The following SGCZ variants were observed in gnomAD, a reference collection of about 807,000 sequenced individuals.
SGCZ encodes zeta-sarcoglycan.
A neutral mutation model predicts 41.3 loss-of-function variants in SGCZ; 40 were observed. The ratio of observed to expected loss-of-function variants is 0.97; its 90% CI spans 0.75 to 1.26. The LOEUF is 1.26. Ranked by LOEUF, SGCZ falls within the 50% of genes most tolerant of loss-of-function variation. The probability of loss-of-function intolerance (pLI) is 0.00; values close to 1 mark genes in which losing one functional copy is unlikely to be tolerated. For missense variants in SGCZ, 552 were observed against 369.8 expected (o/e 1.49, Z -4.04); for synonymous variants, 206 against 137.5 (o/e 1.50, Z -3.49).
At chr8:14,440,351 T>A (rs74635648) in intron 2 of SGCZ, among the ~76,000 whole-genome samples, 5,433 of 152,214 alleles carry the variant, frequency 0.036, 305 homozygotes, top group African/African-American at 0.12. Context: ...AAATCTTAGA[T>A]AAATAAGTTA....
intron 1 of SGCZ, among the ~76,000 whole-genome samples, chr8:14,622,949 A>G (rs996842492): frequency 1.3e-5 from 2 of 152,198 alleles, no homozygotes; most frequent in Non-Finnish European, 2.9e-5. Flanking sequence ...GCAAAACTCC[A>G]TGTATCTATT....
At chr8:14,241,909 A>C (rs1001382409) in intron 3 of SGCZ, among the ~76,000 whole-genome samples, 12 of 152,208 alleles carry the variant, frequency 7.9e-5, no homozygotes, top group Non-Finnish European at 1.2e-4. Context: ...TGACCAATGG[A>C]AAAATGATTT....
intron 1 of SGCZ, among the ~76,000 whole-genome samples, chr8:14,756,559 T>C (rs994187158): frequency 2.0e-5 from 3 of 152,168 alleles, no homozygotes; most frequent in Non-Finnish European, 4.4e-5. Context: ...TTTCAAACTC[T>C]AACATCATTA....
chr8:14,969,935 A>G (rs935432283), intron 1 of SGCZ, among the ~76,000 whole-genome samples: 1 of 152,098 alleles, frequency 6.6e-6, no homozygotes, highest in Non-Finnish European at 1.5e-5. Flanking sequence ...GAAATTGCCA[A>G]ACTATATTCC....
chr8:14,554,532 G>A (rs1471137088), intron 2 of SGCZ, among the ~76,000 whole-genome samples, 200 bp downstream of exon 2: 1 of 151,938 alleles, frequency 6.6e-6, no homozygotes, highest in Non-Finnish European at 1.5e-5. Flanking sequence ...ACACTTAAAT[G>A]GCAGGTAGTA....
intron 2 of SGCZ, among the ~76,000 whole-genome samples, chr8:14,378,936 T>C (rs143063415): frequency 2.6e-5 from 4 of 152,166 alleles, no homozygotes; most frequent in African/African-American, 9.6e-5. Context: ...AACTCAACAT[T>C]GCTTCTTTAG....
At chr8:14,093,744 G>A (rs1330733445) in intron 7 of SGCZ, among the ~76,000 whole-genome samples, 1 of 151,938 alleles carries the variant, frequency 6.6e-6, no homozygotes, top group Non-Finnish European at 1.5e-5. Flanking sequence ...AGGTCAATTT[G>A]GATGCAAACA....
chr8:14,615,422 A>G (rs1320453711), intron 1 of SGCZ, among the ~76,000 whole-genome samples: 1 of 152,192 alleles, frequency 6.6e-6, no homozygotes, highest in Non-Finnish European at 1.5e-5. Flanking sequence ...TGCTGGGTGG[A>G]GCTCTCTGAA....
chr8:14,141,769 G>C (rs769046242), intron 5 of SGCZ, among the ~76,000 whole-genome samples: 6 of 152,122 alleles, frequency 3.9e-5, no homozygotes, highest in Admixed American at 2.6e-4. Flanking sequence ...AATTCCTCAA[G>C]GATCTAGAAC....
intron 1 of SGCZ, among the ~76,000 whole-genome samples, chr8:14,784,914 AT>A (rs1223444380): frequency 8.0e-4 from 47 of 58,912 alleles, no homozygotes; most frequent in East Asian, 1.5e-3. Flanking sequence ...AAAAAAAAAA[AT>A]ATATATATAT....
chr8:14,574,150 TA>T (rs1161357604), intron 1 of SGCZ, among the ~76,000 whole-genome samples: 1 of 152,178 alleles, frequency 6.6e-6, no homozygotes, highest in Non-Finnish European at 1.5e-5. Flanking sequence ...AGGTTTCATA[TA>T]ACCTTTAGGA....
chr8:14,551,597 T>TTA (rs1803864345), intron 2 of SGCZ, among the ~76,000 whole-genome samples: 10 of 36,474 alleles, frequency 2.7e-4, no homozygotes, highest in African/African-American at 1.2e-3. Flanking sequence ...ATAATATATA[T>TTA]TATATATATT....
At chr8:14,261,972 T>C (rs1221694193) in intron 3 of SGCZ, among the ~76,000 whole-genome samples, 1 of 152,128 alleles carries the variant, frequency 6.6e-6, no homozygotes, top group Non-Finnish European at 1.5e-5. Flanking sequence ...TGAAAGATAA[T>C]TGATTAAATT....
At chr8:14,102,572 T>G (rs1802067257) in intron 6 of SGCZ, 73 bp from the exon 7 acceptor site, 1 of 1,227,680 alleles carries the variant, frequency 8.1e-7, no homozygotes, top group African/African-American at 1.6e-5. Flanking sequence ...AAAGAAAATT[T>G]TTGATAAACT....
At chr8:14,886,028 T>TATATATATATAA (rs1804790453) in intron 1 of SGCZ, among the ~76,000 whole-genome samples, 1 of 110,122 alleles carries the variant, frequency 9.1e-6, no homozygotes, top group African/African-American at 3.4e-5. Context: ...TATATATATA[T>TATATATATATAA]ATATATAAAA....
intron 1 of SGCZ, among the ~76,000 whole-genome samples, chr8:14,600,241 C>G (rs1159556678): frequency 1.3e-5 from 2 of 152,060 alleles, no homozygotes; most frequent in Non-Finnish European, 2.9e-5. Context: ...CTGCATTCAC[C>G]CAGGCTCTAC....
intron 4 of SGCZ, among the ~76,000 whole-genome samples, chr8:14,184,519 AAAG>A (rs1436241687): frequency 2.1e-4 from 32 of 152,318 alleles, no homozygotes; most frequent in Admixed American, 9.1e-4. Context: ...TTTCTGTATC[AAAG>A]AAGATTATTA....
chr8:14,507,327 G>A (rs973124882), intron 2 of SGCZ, among the ~76,000 whole-genome samples: 6 of 152,102 alleles, frequency 3.9e-5, no homozygotes, highest in African/African-American at 1.4e-4. Context: ...ATACCTCTTT[G>A]AGAAGCACAG....
chr8:14,833,381 C>T (rs953728007), intron 1 of SGCZ, among the ~76,000 whole-genome samples: 7 of 152,074 alleles, frequency 4.6e-5, no homozygotes, highest in Non-Finnish European at 1.0e-4. Context: ...CCAGAGAAGC[C>T]AAACATACAG....
Sources: gnomAD v4.1 joint callset for allele counts (sites outside exome capture counted in the v4.1 genomes callset) on GRCh38, gnomAD v4.1.1 for gene constraint, MANE v1.5 for transcripts, NCBI Gene and HGNC (gene_info 2026-07-23, HGNC 2026-07-21) for gene names.